The following PLD5 variants were observed in gnomAD, a reference collection of about 807,000 sequenced individuals.
PLD5 encodes the protein phospholipase D family member 5.
A neutral mutation model predicts 61.1 loss-of-function variants in PLD5; 36 were observed. The observed-to-expected ratio is 0.59, with a 90% confidence interval of 0.45 to 0.78. The LOEUF (loss-of-function observed/expected upper bound fraction) is 0.78. Among genes scored for constraint, PLD5 ranks in the 30% least tolerant of loss-of-function variants. The probability of loss-of-function intolerance (pLI) is 0.00; values close to 1 mark genes in which losing one functional copy is unlikely to be tolerated. For missense variants in PLD5, 515 were observed against 644.4 expected, an observed-to-expected ratio of 0.80 and a Z score of 2.17; for synonymous variants, 243 against 242.8, an observed-to-expected ratio of 1.00 and a Z score of -0.01.
intron 2 of PLD5, among the ~76,000 whole-genome samples, chr1:242,291,524 G>A (rs1312242389): frequency 1.3e-5 from 2 of 151,964 alleles, no homozygotes; most frequent in Admixed American, 6.6e-5. Flanking sequence ...AACTGACAAC[G>A]GGCCAGGTGC....
At chr1:242,453,806 T>G (rs1160590243) in intron 1 of PLD5, among the ~76,000 whole-genome samples, 1 of 152,160 alleles carries the variant, frequency 6.6e-6, no homozygotes. Context: ...AGAAAAGTGT[T>G]GTGAACTGCT....
At position 242,224,428 on chromosome 1, in the gene PLD5, AT is replaced by A. The variant is rs568082794; in HGVS notation, c.608-4314del. Among the ~76,000 whole-genome samples, 297 of 152,052 alleles carry A rather than the reference AT, an allele frequency of 2.0e-3. 1 individual carries two copies. The highest frequency in any genetic ancestry group is 7.0e-3 in the African/African-American group (289 of 41,458). On this transcript the variant is annotated intron_variant, in intron 4 of 9. Coordinates refer to ENST00000536534, the MANE Select transcript of PLD5 (RefSeq NM_001372062.1). ...ATGAGCACTAACAGAAACACTTCAG[AT>A]TTTTTTTCTATAGTTATTTTTATGA...
chr1:242,449,492 A>G (rs1666694993), intron 1 of PLD5: 5 of 1,521,126 alleles, frequency 3.3e-6, no homozygotes, highest in South Asian at 1.2e-5. Flanking sequence ...CACCGATTAC[A>G]TTTCAGTCCC....
chr1:242,298,577 G>A (rs1049000096), intron 2 of PLD5, among the ~76,000 whole-genome samples: 11 of 152,178 alleles, frequency 7.2e-5, no homozygotes, highest in African/African-American at 2.7e-4. Flanking sequence ...TATGCTACAA[G>A]CACACTTTGG....
At chr1:242,170,114 T>C (rs1030893146) in intron 5 of PLD5, among the ~76,000 whole-genome samples, 1 of 152,228 alleles carries the variant, frequency 6.6e-6, no homozygotes, top group Non-Finnish European at 1.5e-5. Flanking sequence ...AAGTTAGTCC[T>C]TGACTCTCAT....
At chr1:242,207,836 ATATATTTATATATATTTATATATT>A (rs1558344031) in intron 5 of PLD5, among the ~76,000 whole-genome samples, 1 of 53,418 alleles carries the variant, frequency 1.9e-5, no homozygotes, top group African/African-American at 7.0e-5. Context: ...ATATATATTT[ATATATTTATATATATTTATATATT>A]TATATATTTA....
intron 3 of PLD5, among the ~76,000 whole-genome samples, chr1:242,285,434 G>A (rs557856377): frequency 6.6e-6 from 1 of 152,300 alleles, no homozygotes; most frequent in South Asian, 2.1e-4. Context: ...GGAAGTAGAG[G>A]TTGCAGTGAG....
chr1:242,097,264 C>A (rs1230390354), intron 9 of PLD5, among the ~76,000 whole-genome samples: 3 of 152,134 alleles, frequency 2.0e-5, no homozygotes, highest in African/African-American at 7.2e-5. Context: ...GGTATATACC[C>A]AGTAATAGGA....
At position 242,088,569 on chromosome 1, in the gene PLD5, C is replaced by A. The variant is rs1159904394; in HGVS notation, c.*1285G>T. ...TTACCAAGAGAAGCCCGAGGCCAAG[C>A]AGTGAGGGGCTCCGCTTTGAGTCAC... On this transcript the variant is annotated 3_prime_UTR_variant, in exon 10 of 10. Coordinates refer to ENST00000536534, the MANE Select transcript of PLD5 (RefSeq NM_001372062.1). 2 of 152,078 alleles carry A rather than the reference C, an allele frequency of 1.3e-5. No individual in the cohort carries two copies. The highest frequency in any genetic ancestry group is 2.9e-5 in the Non-Finnish European group (2 of 68,034). 9.4% of individuals were successfully genotyped at this position (152,078 alleles called of 1,614,324 possible).
chr1:242,328,344 TCTA>T (rs1558468981), intron 2 of PLD5, among the ~76,000 whole-genome samples: 1 of 152,116 alleles, frequency 6.6e-6, no homozygotes, highest in Non-Finnish European at 1.5e-5. Context: ...ATACGTGTGT[TCTA>T]CATGTGTGTT....
At chr1:242,274,671 G>A (rs552190280) in intron 3 of PLD5, among the ~76,000 whole-genome samples, 10 of 152,134 alleles carry the variant, frequency 6.6e-5, no homozygotes, top group Middle Eastern at 3.4e-3. Flanking sequence ...GGAGAATGGC[G>A]TGAACCCGGG....
chr1:242,130,000 T>C (rs1286497990), intron 5 of PLD5, among the ~76,000 whole-genome samples: 2 of 152,202 alleles, frequency 1.3e-5, no homozygotes, highest in East Asian at 3.8e-4. Context: ...TAAATAGTAT[T>C]CCATTGTGTA....
chr1:242,235,978 A>T (rs1180323278), intron 4 of PLD5: 1 of 152,202 alleles, frequency 6.6e-6, no homozygotes, highest in Non-Finnish European at 1.5e-5. Context: ...TTTCAGTGGC[A>T]CATTTCTCAA....
the PLD5 span, among the ~76,000 whole-genome samples, chr1:242,530,176 G>C: frequency 6.6e-6 from 1 of 152,174 alleles, no homozygotes; most frequent in African/African-American, 2.4e-5. Context: ...TTACAGGCGT[G>C]AGCCACCATG....
chr1:242,115,421 T>A (rs1355370645), intron 6 of PLD5, among the ~76,000 whole-genome samples: 4 of 152,110 alleles, frequency 2.6e-5, no homozygotes, highest in African/African-American at 7.2e-5. Flanking sequence ...CAGCCTCTAG[T>A]ATCTTCTGTT....
chr1:242,415,951 A>G (rs769697317), intron 1 of PLD5, among the ~76,000 whole-genome samples: 1 of 152,186 alleles, frequency 6.6e-6, no homozygotes, highest in Non-Finnish European at 1.5e-5. Context: ...TGTAAAAAGC[A>G]ACACCTAAAA....
intron 1 of PLD5, among the ~76,000 whole-genome samples, chr1:242,349,064 AC>A (rs775668097): frequency 1.3e-5 from 2 of 152,154 alleles, no homozygotes; most frequent in Non-Finnish European, 2.9e-5. Context: ...AAACAAACAA[AC>A]AAACAAAAAA....
At chr1:242,098,897 G>A (rs12126325) in intron 9 of PLD5, among the ~76,000 whole-genome samples, 32,920 of 152,048 alleles carry the variant, frequency 0.22, 3,725 homozygotes, top group South Asian at 0.29. Flanking sequence ...AGCAAAGGTT[G>A]CTGCCTGATC....
At chr1:242,431,892 T>C (rs1416842392) in intron 1 of PLD5, among the ~76,000 whole-genome samples, 1 of 152,198 alleles carries the variant, frequency 6.6e-6, no homozygotes, top group Non-Finnish European at 1.5e-5. Context: ...TCTGCACTGT[T>C]GTTCACTTAA....
Sources: allele counts gnomAD v4.1 joint callset (sites outside exome capture counted in the v4.1 genomes callset), GRCh38; gene constraint gnomAD v4.1.1; transcripts MANE v1.5; gene names NCBI Gene and HGNC (gene_info 2026-07-23, HGNC 2026-07-21).